JAM3: variants seen among roughly 807,000 people sequenced by gnomAD.
JAM3 encodes the protein junctional adhesion molecule 3.
Under a neutral mutation model 39.4 loss-of-function variants are expected in JAM3, and 31 were observed. The ratio of observed to expected loss-of-function variants is 0.79; its 90% CI spans 0.59 to 1.06. JAM3 has a LOEUF of 1.06. JAM3 is among the 50% of genes least tolerant of loss of function. The pLI, the probability that JAM3 is intolerant of heterozygous loss-of-function variation, is 0.00. For missense variants in JAM3, 455 were observed against 391.4 expected, an observed-to-expected ratio of 1.16 and a Z score of -1.37; for synonymous variants, 182 against 148.7, an observed-to-expected ratio of 1.22 and a Z score of -1.63.
chr11:134,120,182 G>C (rs1032291740), intron 1 of JAM3, among the ~76,000 whole-genome samples: 3 of 152,234 alleles, frequency 2.0e-5, no homozygotes, highest in East Asian at 1.9e-4. Context: ...GCGGTCTGCT[G>C]TGAAGGGTAA....
intron 1 of JAM3, among the ~76,000 whole-genome samples, chr11:134,070,966 T>C (rs956660644): frequency 1.3e-5 from 2 of 152,230 alleles, no homozygotes; most frequent in Admixed American, 6.5e-5. Context: ...TGAATCCACT[T>C]TGAAGGCGTG....
intron 3 of JAM3, among the ~76,000 whole-genome samples, chr11:134,143,992 A>T (rs1487737620): frequency 6.6e-6 from 1 of 152,166 alleles, no homozygotes; most frequent in African/African-American, 2.4e-5. Flanking sequence ...CCTGGTTTTA[A>T]TGACGGAGAC....
intron 1 of JAM3, among the ~76,000 whole-genome samples, chr11:134,083,533 T>A (rs954753318): frequency 1.3e-5 from 2 of 152,192 alleles, no homozygotes; most frequent in Non-Finnish European, 2.9e-5. Context: ...TGCTCTCTCC[T>A]GAACTCACAG....
Position 134,069,238 on chromosome 11 carries a change from C to T in JAM3, c.76+79C>T. ...CAGAGCGGGCCGAAGCTGCTGGAGC[C>T]GGTCCGGGCGAGGATAGCGGTCCTG... is the stretch of plus-strand genomic sequence containing the variant. On this transcript the variant is annotated intron_variant, in intron 1 of 8. Coordinates refer to ENST00000299106, the MANE Select transcript of JAM3 (RefSeq NM_032801.5). The T allele has an allele frequency of 4.5e-6, 7 of 1,541,090 alleles. No individual in the cohort carries two copies. In the South Asian group the frequency reaches 4.7e-5, roughly 10 times the overall value.
chr11:134,093,039 A>G (rs75390369), intron 1 of JAM3, among the ~76,000 whole-genome samples: 7,338 of 107,672 alleles, frequency 0.068, 207 homozygotes, highest in East Asian at 0.17. Context: ...CTTCTCCTGA[A>G]CCCTCCTTAT....
intron 1 of JAM3, among the ~76,000 whole-genome samples, chr11:134,083,413 C>G (rs1302329461): frequency 6.6e-6 from 1 of 152,164 alleles, no homozygotes; most frequent in African/African-American, 2.4e-5. Flanking sequence ...AATATTTTCT[C>G]CTTTACTACC....
At chr11:134,103,685 A>G (rs1942122858) in intron 1 of JAM3, among the ~76,000 whole-genome samples, 1 of 152,212 alleles carries the variant, frequency 6.6e-6, no homozygotes, top group Non-Finnish European at 1.5e-5. Flanking sequence ...AAGCAAGTGG[A>G]AAACAAAAAA....
intron 1 of JAM3, among the ~76,000 whole-genome samples, chr11:134,075,412 A>G (rs1437134553): frequency 1.3e-5 from 2 of 152,162 alleles, no homozygotes; most frequent in Non-Finnish European, 2.9e-5. Context: ...TTGTTTTGGG[A>G]TGAGTGAGTT....
intron 1 of JAM3, among the ~76,000 whole-genome samples, chr11:134,133,647 C>T (rs189021619): frequency 7.1e-4 from 108 of 152,166 alleles, no homozygotes; most frequent in African/African-American, 2.6e-3. Flanking sequence ...TAACTCCAGC[C>T]GCCTCTAGTC....
chr11:134,085,480 G>C (rs186336453), intron 1 of JAM3, among the ~76,000 whole-genome samples: 12 of 152,236 alleles, frequency 7.9e-5, no homozygotes, highest in Non-Finnish European at 1.6e-4. Context: ...ATTTTGTTTT[G>C]TGTTGCCAGC....
In JAM3 at chr11:134,112,162, C is replaced by G. The variant is rs531034908; in HGVS notation, c.77-27689C>G. On this transcript the variant is annotated intron_variant, in intron 1 of 8. Transcript: ENST00000299106. Reference sequence around the variant, plus strand: ...AGTGTGGTTGCATGGCCTTGGCTCACTGCAACCTCTGCCTCCCGGGTTCAA... The same window carrying G: ...AGTGTGGTTGCATGGCCTTGGCTCAGTGCAACCTCTGCCTCCCGGGTTCAA... 3.9e-5 allele frequency among the ~76,000 whole-genome samples: 6 copies of G among 152,306 alleles called. No homozygotes were observed. The South Asian group carries it at 1.2e-3, about 32-fold the overall frequency.
At chr11:134,102,475 C>G (rs1448714848) in intron 1 of JAM3, among the ~76,000 whole-genome samples, 1 of 152,148 alleles carries the variant, frequency 6.6e-6, no homozygotes, top group Non-Finnish European at 1.5e-5. Context: ...CTCCAAAGGA[C>G]CGCAGCTCCT....
intron 1 of JAM3, among the ~76,000 whole-genome samples, chr11:134,128,315 C>T (rs556572134): frequency 6.6e-6 from 1 of 152,168 alleles, no homozygotes; most frequent in Non-Finnish European, 1.5e-5. Context: ...CAGAACTCAC[C>T]TCTCTCTGAG....
At chr11:134,102,745 A>G (rs577366531) in intron 1 of JAM3, among the ~76,000 whole-genome samples, 62 of 152,370 alleles carry the variant, frequency 4.1e-4, no homozygotes, top group African/African-American at 1.4e-3. Context: ...GATTCAATCA[A>G]CTGGAAGAAA....
chr11:134,074,584 C>T (rs1365643568), intron 1 of JAM3, among the ~76,000 whole-genome samples: 2 of 152,092 alleles, frequency 1.3e-5, no homozygotes, highest in South Asian at 2.1e-4. Context: ...GCTGTGGTGT[C>T]CTCAGCAAAT....
chr11:134,085,614 A>C (rs576100711), intron 1 of JAM3, among the ~76,000 whole-genome samples: 62 of 152,338 alleles, frequency 4.1e-4, no homozygotes, highest in African/African-American at 1.5e-3. Context: ...TGACTACCCC[A>C]GTCATAGTCT....
In JAM3 at chr11:134,151,904, AG is replaced by A. The variant is rs1214852871; in HGVS notation, c.*2724del. 1.3e-5 allele frequency: 2 copies of A among 152,230 alleles called. No homozygotes were observed. Among genetic ancestry groups the A allele is most frequent in the African/African-American group, 4.8e-5 (2 of 41,466 alleles). 9.4% of individuals were successfully genotyped at this position (152,230 alleles called of 1,614,324 possible). A position where few individuals can be genotyped will look rare whatever the true frequency, so the allele number is the denominator to read the frequency against. On this transcript the variant is annotated 3_prime_UTR_variant, in exon 9 of 9. Transcript: ENST00000299106. ...GGCAGGAGGTCAGCCTGTGTGCTCAAGAGCAGTGCTGCGCCTCTCCGCCACC... is the reference window on the plus strand; with the variant it reads ...GGCAGGAGGTCAGCCTGTGTGCTCAAAGCAGTGCTGCGCCTCTCCGCCACC...
At chr11:134,136,643 T>G (rs1051397553) in intron 1 of JAM3, among the ~76,000 whole-genome samples, 2 of 152,206 alleles carry the variant, frequency 1.3e-5, no homozygotes, top group Non-Finnish European at 2.9e-5. Flanking sequence ...TTTACATGAC[T>G]TGTAGTGGCC....
chr11:134,148,791 A>T lies in JAM3; in HGVS notation c.870A>T (p.Gly290=). 5 of 1,614,166 alleles carry T rather than the reference A, an allele frequency of 3.1e-6. No individual in the cohort carries two copies. The highest frequency in any genetic ancestry group is 4.2e-6 in the Non-Finnish European group (5 of 1,180,004). The change falls in exon 8 of 9, where the codon GGA becomes GGT. Residue 290 remains glycine (G), a synonymous_variant. Transcript: ENST00000299106. ...ESYKNPGKPD[G]VNYIRTDEEG... ...ACAAGAACCCAGGGAAACCAGATGG[A>T]GTTAACTACATCCGCACTGACGAGG...
Sources: gnomAD v4.1 joint callset for allele counts (sites outside exome capture counted in the v4.1 genomes callset) on GRCh38, gnomAD v4.1.1 for gene constraint, MANE v1.5 for transcripts, NCBI Gene and HGNC (gene_info 2026-07-23, HGNC 2026-07-21) for gene names.